Variants in FRMD4A observed in about 807,000 individuals in gnomAD.
FRMD4A encodes FERM domain-containing protein 4A.
Under a neutral mutation model 129.1 loss-of-function variants are expected in FRMD4A, and 29 were observed. That is an observed-to-expected ratio of 0.22 (90% CI 0.17 to 0.31). The LOEUF (loss-of-function observed/expected upper bound fraction) is 0.31, where lower values mean the gene tolerates loss of function less well. Ranked by LOEUF, FRMD4A falls within the 10% of genes least tolerant of loss-of-function variation. The pLI is 1.00. For synonymous variants in FRMD4A, 634 were observed against 571.6 expected (o/e 1.11, Z -1.56); for missense variants, 1,272 against 1,375.8 (o/e 0.92, Z 1.19).
intron 2 of FRMD4A, among the ~76,000 whole-genome samples, chr10:14,303,587 T>C (rs964969311): frequency 1.3e-5 from 2 of 152,142 alleles, no homozygotes; most frequent in Admixed American, 1.3e-4. Context: ...GAAGATTACA[T>C]TTATGGGCAG....
At chr10:14,176,233 AAC>A (rs1458986589) in intron 2 of FRMD4A, among the ~76,000 whole-genome samples, 3 of 152,244 alleles carry the variant, frequency 2.0e-5, no homozygotes, top group Admixed American at 6.5e-5. Context: ...TTTGATACAA[AAC>A]TCAACCAACT....
intron 2 of FRMD4A, among the ~76,000 whole-genome samples, chr10:14,019,194 G>A (rs1367173865): frequency 6.6e-6 from 1 of 152,046 alleles, no homozygotes; most frequent in African/African-American, 2.4e-5. Context: ...GGAGGAAGTA[G>A]AGCTTCAGAA....
chr10:14,315,789 G>A (rs757252243), intron 2 of FRMD4A, among the ~76,000 whole-genome samples: 1 of 152,062 alleles, frequency 6.6e-6, no homozygotes, highest in Non-Finnish European at 1.5e-5. Context: ...TTCCCTTATT[G>A]CATCACCTGG....
intron 12 of FRMD4A, among the ~76,000 whole-genome samples, chr10:13,712,226 T>C (rs1467359217): frequency 6.6e-6 from 1 of 152,232 alleles, no homozygotes; most frequent in East Asian, 1.9e-4. Flanking sequence ...ACAACTGTGA[T>C]GAAGGACAGC....
At chr10:14,329,371 A>T (rs1288312056) in intron 2 of FRMD4A, among the ~76,000 whole-genome samples, 1 of 152,210 alleles carries the variant, frequency 6.6e-6, no homozygotes, top group Admixed American at 6.5e-5. Flanking sequence ...TTGGGTTGGA[A>T]CAAGACAGTG....
chr10:14,188,757 T>A (rs1012975255), intron 2 of FRMD4A, among the ~76,000 whole-genome samples: 4 of 152,166 alleles, frequency 2.6e-5, no homozygotes, highest in Non-Finnish European at 4.4e-5. Flanking sequence ...ATCAAAAAAT[T>A]AGCTGAGCAC....
At chr10:14,113,417 A>G (rs1838029792) in intron 2 of FRMD4A, among the ~76,000 whole-genome samples, 1 of 152,100 alleles carries the variant, frequency 6.6e-6, no homozygotes, top group Non-Finnish European at 1.5e-5. Context: ...TCTTAGCAAC[A>G]TTTTCTTTTC....
At position 14,110,050 on chromosome 10, in the gene FRMD4A, GC is replaced by G. The variant is rs1837807739; in HGVS notation, c.45+220007del. ...AGGCTGAGGTGGGAGGATCACTTGAGCTCAGGAGGTCAAGGCTGCAGTGAGC... is the reference window on the plus strand; with the variant it reads ...AGGCTGAGGTGGGAGGATCACTTGAGTCAGGAGGTCAAGGCTGCAGTGAGC... On this transcript the variant is annotated intron_variant, in intron 2 of 24. Transcript: ENST00000357447. Among the ~76,000 whole-genome samples, 3 of 141,066 alleles carry G rather than the reference GC, an allele frequency of 2.1e-5. No homozygotes were observed. In the South Asian group the frequency reaches 6.9e-4, roughly 33 times the overall value. The allele number at this position is 141,066 out of a possible 152,430, so 92.5% of individuals were successfully genotyped here.
At chr10:14,099,435 C>T (rs537159548) in intron 2 of FRMD4A, among the ~76,000 whole-genome samples, 25 of 152,308 alleles carry the variant, frequency 1.6e-4, no homozygotes, top group Non-Finnish European at 3.4e-4. Context: ...TAAGTGTGTA[C>T]GTGCATAGCC....
At chr10:13,843,480 C>T (rs150862590) in intron 3 of FRMD4A, among the ~76,000 whole-genome samples, 16 of 152,174 alleles carry the variant, frequency 1.1e-4, no homozygotes, top group South Asian at 2.1e-4. Flanking sequence ...AAAAGAGTCA[C>T]GATGGGAAGA....
chr10:14,022,828 T>C (rs1832820746), intron 2 of FRMD4A, among the ~76,000 whole-genome samples: 1 of 152,056 alleles, frequency 6.6e-6, no homozygotes, highest in African/African-American at 2.4e-5. Flanking sequence ...GAGACGAAGG[T>C]GGTAGAAGTG....
chr10:14,137,123 G>A (rs145240607), intron 2 of FRMD4A, among the ~76,000 whole-genome samples: 6 of 152,352 alleles, frequency 3.9e-5, no homozygotes, highest in African/African-American at 1.4e-4. Context: ...CAGCAGACAT[G>A]AGCAAATGTT....
Position 13,827,389 on chromosome 10 carries a change from TCCCGAAA to T in FRMD4A, c.112-16488_112-16482del, listed in dbSNP as rs2093718722. Among the ~76,000 whole-genome samples the T allele has an allele frequency of 4.6e-5, 7 of 152,268 alleles. No individual in the cohort carries two copies. The South Asian group carries it at 1.5e-3, about 32-fold the overall frequency. On this transcript the variant is annotated intron_variant, in intron 3 of 24. Coordinates refer to ENST00000357447, the MANE Select transcript of FRMD4A (RefSeq NM_018027.5). ...GCCTGGGGCAGATTTCAAGCCCATC[TCCCGAAA>T]CCCGACAGGATATTCTGGGTGAGAC...
chr10:14,271,877 G>A (rs1366350742), intron 2 of FRMD4A, among the ~76,000 whole-genome samples: 1 of 152,056 alleles, frequency 6.6e-6, no homozygotes, highest in Admixed American at 6.6e-5. Context: ...ACTGAAGCGT[G>A]GCCAATGTCA....
chr10:14,004,911 T>G (rs1009555141), intron 2 of FRMD4A, among the ~76,000 whole-genome samples: 6 of 152,240 alleles, frequency 3.9e-5, no homozygotes, highest in African/African-American at 1.4e-4. Flanking sequence ...TTTTGTAGCT[T>G]AATTCTAGCC....
At chr10:13,691,756 G>GA (rs2085715930) in intron 15 of FRMD4A, among the ~76,000 whole-genome samples, 1 of 152,160 alleles carries the variant, frequency 6.6e-6, no homozygotes, top group Non-Finnish European at 1.5e-5. Flanking sequence ...GGGGAAGGTG[G>GA]GCTGATAGAT....
chr10:14,014,563 G>C (rs185709003), intron 2 of FRMD4A, among the ~76,000 whole-genome samples: 2 of 152,144 alleles, frequency 1.3e-5, no homozygotes, highest in Admixed American at 6.5e-5. Flanking sequence ...AGGAAGCTGG[G>C]ACTGAGGTTA....
intron 3 of FRMD4A, among the ~76,000 whole-genome samples, chr10:13,824,626 C>G (rs11596219): frequency 0.18 from 27,928 of 152,082 alleles, 2,836 homozygotes; most frequent in Non-Finnish European, 0.24. Flanking sequence ...GGTACGGTGG[C>G]TCACACCTGT....
At chr10:14,125,922 T>C (rs1449906548) in intron 2 of FRMD4A, among the ~76,000 whole-genome samples, 4 of 146,472 alleles carry the variant, frequency 2.7e-5, no homozygotes, top group Non-Finnish European at 6.1e-5. Flanking sequence ...CAACACAGTA[T>C]GATAGAAGCA....
Sources: allele counts gnomAD v4.1 joint callset (sites outside exome capture counted in the v4.1 genomes callset), GRCh38; gene constraint gnomAD v4.1.1; transcripts MANE v1.5; gene names NCBI Gene and HGNC (gene_info 2026-07-23, HGNC 2026-07-21).